ZFAND3: variants seen among roughly 807,000 people sequenced by gnomAD.
The protein encoded by ZFAND3 is AN1-type zinc finger protein 3.
In ZFAND3, 10 loss-of-function variants were observed where a neutral mutation model predicts 29.6. The ratio of observed to expected loss-of-function variants is 0.34; its 90% CI spans 0.21 to 0.57. ZFAND3 has a LOEUF of 0.57. Among genes scored for constraint, ZFAND3 ranks in the 20% least tolerant of loss-of-function variants. The pLI is 0.86. For synonymous variants in ZFAND3, 128 were observed against 112.6 expected, an observed-to-expected ratio of 1.14 and a Z score of -0.87; for missense variants, 230 against 304.5, an observed-to-expected ratio of 0.76 and a Z score of 1.82.
At chr6:37,852,991 C>T (rs540462016) in intron 1 of ZFAND3, among the ~76,000 whole-genome samples, 2 of 152,094 alleles carry the variant, frequency 1.3e-5, no homozygotes, top group East Asian at 3.9e-4. Context: ...TTTTCAAAAC[C>T]TGTTGGTCTT....
intron 3 of ZFAND3, among the ~76,000 whole-genome samples, chr6:38,070,589 CTT>C (rs1220174354): frequency 1.3e-5 from 2 of 152,104 alleles, no homozygotes; most frequent in African/African-American, 4.8e-5. Context: ...TCTCTACTCT[CTT>C]CTCTGGAGGT....
chr6:38,116,764 A>G (rs200970609), intron 5 of ZFAND3, 25 bp downstream of exon 5: 2 of 1,610,312 alleles, frequency 1.2e-6, no homozygotes, highest in Non-Finnish European at 1.7e-6. Context: ...CAGTGGCGTG[A>G]TGGAGACTAT....
chr6:38,077,287 T>C (rs569828623), intron 3 of ZFAND3, among the ~76,000 whole-genome samples: 2 of 152,254 alleles, frequency 1.3e-5, no homozygotes, highest in South Asian at 4.2e-4. Flanking sequence ...TTTAGAACTG[T>C]GAGCCTGGAA....
At chr6:37,825,476 A>G (rs184198547) in intron 1 of ZFAND3, among the ~76,000 whole-genome samples, 2 of 152,298 alleles carry the variant, frequency 1.3e-5, no homozygotes, top group African/African-American at 4.8e-5. Context: ...GGATTCAGAA[A>G]ATAGGAAACT....
intron 2 of ZFAND3, among the ~76,000 whole-genome samples, chr6:37,943,469 CAG>C (rs1477723931): frequency 2.0e-5 from 3 of 152,150 alleles, no homozygotes; most frequent in African/African-American, 7.2e-5. Flanking sequence ...CATAAAGTGA[CAG>C]TGTTTTCCTT....
At chr6:38,076,911 T>C (rs1439374269) in intron 3 of ZFAND3, among the ~76,000 whole-genome samples, 1 of 152,208 alleles carries the variant, frequency 6.6e-6, no homozygotes, top group Non-Finnish European at 1.5e-5. Context: ...GTGTACCTGA[T>C]ACACATTAAA....
chr6:38,044,556 C>T (rs1763859935), intron 2 of ZFAND3, among the ~76,000 whole-genome samples: 1 of 152,116 alleles, frequency 6.6e-6, no homozygotes, highest in African/African-American at 2.4e-5. Flanking sequence ...GGTAATTTTC[C>T]TTGTCGCTCT....
intron 2 of ZFAND3, among the ~76,000 whole-genome samples, chr6:37,977,795 A>G (rs2127431084): frequency 1.1e-5 from 1 of 91,720 alleles, no homozygotes; most frequent in South Asian, 3.3e-4. Context: ...TTTTTTTCAA[A>G]TGAAGAATGA....
chr6:38,066,683 T>C (rs1764352305), intron 3 of ZFAND3, among the ~76,000 whole-genome samples: 2 of 152,224 alleles, frequency 1.3e-5, no homozygotes, highest in Admixed American at 1.3e-4. Context: ...ACCTTCTTAC[T>C]ATCAACATGA....
chr6:38,058,359 A>G (rs1169332270), intron 2 of ZFAND3, among the ~76,000 whole-genome samples: 1 of 152,222 alleles, frequency 6.6e-6, no homozygotes, highest in East Asian at 1.9e-4. Context: ...TAGGAGAGCT[A>G]ATGAGATTAC....
intron 2 of ZFAND3, among the ~76,000 whole-genome samples, chr6:38,029,379 T>G (rs1157024619): frequency 2.0e-5 from 3 of 152,338 alleles, no homozygotes; most frequent in African/African-American, 7.2e-5. Context: ...TGACTTTATT[T>G]CTACTAAATC....
chr6:37,844,850 TAAA>T (rs879611779), intron 1 of ZFAND3, among the ~76,000 whole-genome samples: 1 of 132,790 alleles, frequency 7.5e-6, no homozygotes. Flanking sequence ...CCGTCTCTAC[TAAA>T]AAAAAAAAAA....
At chr6:37,875,833 T>A (rs1256814363) in intron 1 of ZFAND3, among the ~76,000 whole-genome samples, 4 of 122,992 alleles carry the variant, frequency 3.3e-5, no homozygotes, top group Non-Finnish European at 6.4e-5. Context: ...TAATTTTTGA[T>A]TTTTTTTTTT....
At chr6:37,883,001 T>C (rs779006953) in intron 1 of ZFAND3, among the ~76,000 whole-genome samples, 5 of 152,102 alleles carry the variant, frequency 3.3e-5, no homozygotes, top group African/African-American at 1.2e-4. Context: ...GAAGAATCAT[T>C]TGAGGCCAGG....
intron 2 of ZFAND3, among the ~76,000 whole-genome samples, chr6:38,044,263 T>G (rs1763853877): frequency 6.6e-6 from 1 of 152,234 alleles, no homozygotes. Flanking sequence ...CACTAATTAC[T>G]GTCTTTGGTG....
chr6:38,081,252 C>T (rs1186536163), intron 3 of ZFAND3, among the ~76,000 whole-genome samples: 1 of 151,806 alleles, frequency 6.6e-6, no homozygotes, highest in Non-Finnish European at 1.5e-5. Context: ...CAGCAGTGCA[C>T]TTACTTGGTT....
chr6:38,111,245 G>A (rs1581926897), intron 4 of ZFAND3, among the ~76,000 whole-genome samples: 1 of 152,168 alleles, frequency 6.6e-6, no homozygotes, highest in Middle Eastern at 3.4e-3. Flanking sequence ...CATATCCATG[G>A]GTTCCACATC....
At chr6:37,890,949 G>A (rs1198848858) in intron 1 of ZFAND3, among the ~76,000 whole-genome samples, 2 of 152,164 alleles carry the variant, frequency 1.3e-5, no homozygotes, top group African/African-American at 4.8e-5. Context: ...CAGAAACATC[G>A]GAAGATGAGC....
chr6:37,997,699 C>A (rs978176622), intron 2 of ZFAND3, among the ~76,000 whole-genome samples: 30 of 152,188 alleles, frequency 2.0e-4, no homozygotes, highest in African/African-American at 6.8e-4. Context: ...AGGGCCATGA[C>A]CACTGTTTCA....
Sources: gnomAD v4.1 joint callset for allele counts (sites outside exome capture counted in the v4.1 genomes callset) on GRCh38, gnomAD v4.1.1 for gene constraint, MANE v1.5 for transcripts, NCBI Gene and HGNC (gene_info 2026-07-23, HGNC 2026-07-21) for gene names.